VAPA: variants seen among roughly 807,000 people sequenced by gnomAD.
The protein encoded by VAPA is vesicle-associated membrane protein-associated protein A.
Under a neutral mutation model 25.6 loss-of-function variants are expected in VAPA, and 6 were observed. The observed-to-expected ratio is 0.23, with a 90% CI of 0.13 to 0.46. VAPA has a LOEUF of 0.46. VAPA is among the 20% of genes least tolerant of loss of function. VAPA has a pLI of 0.99. For missense variants in VAPA, 244 were observed against 302.1 expected (o/e 0.81, Z 1.43); for synonymous variants, 112 against 106.2 (o/e 1.05, Z -0.34).
At position 9,954,247 on chromosome 18, in the gene VAPA, T is replaced by C; in HGVS notation, c.*36T>C. ...GCAGAGTGCTGTTTCTTTTTTTTTT[T>C]TTCTCTTGACCAGAAAAAGATTTGT... On this transcript the variant is annotated 3_prime_UTR_variant, in exon 6 of 6. Coordinates refer to ENST00000400000, the MANE Select transcript of VAPA (RefSeq NM_194434.3). 6.4e-7 allele frequency: 1 copy of C among 1,559,852 alleles called. No homozygotes were observed. Among genetic ancestry groups the C allele is most frequent in the Non-Finnish European group, 8.6e-7 (1 of 1,157,964 alleles).
chr18:9,930,434 C>G (rs574644718), intron 1 of VAPA, among the ~76,000 whole-genome samples: 6 of 152,176 alleles, frequency 3.9e-5, no homozygotes, highest in Admixed American at 3.9e-4. Context: ...TTTAAGACTT[C>G]TAGTTTTATC....
intron 4 of VAPA, among the ~76,000 whole-genome samples, chr18:9,937,934 G>A (rs2069327814): frequency 6.6e-6 from 1 of 152,038 alleles, no homozygotes; most frequent in Non-Finnish European, 1.5e-5. Flanking sequence ...GAAATGAAAA[G>A]GTCTCTGGTA....
intron 4 of VAPA, chr18:9,945,039 T>C (rs2069407671): frequency 6.2e-7 from 1 of 1,613,936 alleles, no homozygotes; most frequent in African/African-American, 1.3e-5. Context: ...CTCAGTGTGT[T>C]GAAACAGGAG....
intron 1 of VAPA, among the ~76,000 whole-genome samples, chr18:9,920,384 C>T (rs1472069112): frequency 5.9e-5 from 9 of 152,170 alleles, no homozygotes; most frequent in Non-Finnish European, 1.2e-4. Context: ...CTCACTGCAA[C>T]CTCTGCCTCC....
At chr18:9,936,032 T>TC (rs2069306455) in intron 2 of VAPA, 78 bp from the exon 3 acceptor site, 10 of 1,017,188 alleles carry the variant, frequency 9.8e-6, no homozygotes, top group Non-Finnish European at 1.4e-5. Flanking sequence ...CTTAGTATAA[T>TC]TTAATCTGTA....
At chr18:9,935,773 G>C (rs1047745229) in intron 2 of VAPA, among the ~76,000 whole-genome samples, 3 of 152,176 alleles carry the variant, frequency 2.0e-5, no homozygotes, top group Non-Finnish European at 2.9e-5. Context: ...TTCACAAGCT[G>C]AGTTTAGAAA....
chr18:9,931,745 T>C (rs2069257122), intron 1 of VAPA, 65 bp from the exon 2 acceptor site: 1 of 1,414,058 alleles, frequency 7.1e-7, no homozygotes, highest in Non-Finnish European at 9.6e-7. Flanking sequence ...ATTTTCAGTT[T>C]TGAATCCTTC....
At position 9,937,526 on chromosome 18, in the gene VAPA, G is replaced by C. The variant is rs29151; in HGVS notation, c.417+460G>C. Reference sequence around the variant, plus strand: ...TGTTTTTAGTCAAATCCATCTGATTGTATTCTTTAGTAAATAATTATTATG... The same window carrying C: ...TGTTTTTAGTCAAATCCATCTGATTCTATTCTTTAGTAAATAATTATTATG... On this transcript the variant is annotated intron_variant, in intron 4 of 5. Transcript: ENST00000400000. Among the ~76,000 whole-genome samples the C allele has an allele frequency of 7.3e-3, 1,109 of 152,118 alleles. 12 individuals carry two copies. The highest frequency in any genetic ancestry group is 0.025 in the African/African-American group (1,035 of 41,496).
chr18:9,927,898 G>A (rs2069215214), intron 1 of VAPA, among the ~76,000 whole-genome samples: 1 of 152,068 alleles, frequency 6.6e-6, no homozygotes, highest in Admixed American at 6.6e-5. Context: ...GGCAGGAAAT[G>A]GTAGGGCTTC....
chr18:9,930,699 T>TTA (rs2069245569), intron 1 of VAPA, among the ~76,000 whole-genome samples: 3 of 150,408 alleles, frequency 2.0e-5, no homozygotes. Flanking sequence ...GCTTTTTTTT[T>TTA]AAAAAAAAAA....
rs2069556352 is a variant in VAPA at position 9,956,808 on chromosome 18, A to C, written c.*2597A>C. On this transcript the variant is annotated 3_prime_UTR_variant, in exon 6 of 6. Coordinates refer to ENST00000400000, the MANE Select transcript of VAPA (RefSeq NM_194434.3). ...AGCATGAGGGAAATACACTGTTGCT[A>C]ATACTGAAATTACAATCAAGTAACT... 1 of 152,222 alleles carries C rather than the reference A, an allele frequency of 6.6e-6. No individual in the cohort carries two copies. The highest frequency in any genetic ancestry group is 1.5e-5 in the Non-Finnish European group (1 of 68,012). The allele number at this position is 152,222 out of a possible 1,614,324, so 9.4% of individuals were successfully genotyped here.
intron 4 of VAPA, 49 bp downstream of exon 4, chr18:9,937,115 C>T (rs754027545): frequency 4.7e-6 from 7 of 1,484,958 alleles, no homozygotes; most frequent in Non-Finnish European, 5.6e-6. Flanking sequence ...GCTCTCAGTT[C>T]CTTTGATTAA....
intron 4 of VAPA, among the ~76,000 whole-genome samples, chr18:9,937,712 T>C (rs2069325950): frequency 1.3e-5 from 2 of 152,192 alleles, no homozygotes; most frequent in African/African-American, 4.8e-5. Context: ...AATCTTTTCC[T>C]ATGGTGAGAG....
chr18:9,936,105 T>C lies in VAPA; in HGVS notation c.233-5T>C, dbSNP rs781430630. The C allele has an allele frequency of 3.8e-6, 6 of 1,585,946 alleles. No homozygotes were observed. The highest frequency in any genetic ancestry group is 2.3e-5 in the South Asian group (2 of 85,784). ...AATATAATATATCCTTTTTTTCTTATTTAGTAATGCTACAGCCCTTTGACT... is the reference window on the plus strand; with the variant it reads ...AATATAATATATCCTTTTTTTCTTACTTAGTAATGCTACAGCCCTTTGACT... On this transcript the variant is annotated splice_region_variant and splice_polypyrimidine_tract_variant and intron_variant, in intron 2 of 5. Transcript: ENST00000400000.
intron 4 of VAPA, among the ~76,000 whole-genome samples, chr18:9,942,861 A>G (rs2069380129): frequency 6.6e-6 from 1 of 152,126 alleles, no homozygotes; most frequent in African/African-American, 2.4e-5. Context: ...GTCGCTTCCC[A>G]CCAGGTTCCA....
At position 9,954,147 on chromosome 18, in the gene VAPA, C is replaced by T; in HGVS notation, c.686C>T (p.Pro229Leu). ...SFRDNVTSPL[P>L]SLLVVIAAIF... ...AGAGATAATGTCACCAGTCCTCTTC[C>T]TTCACTTCTTGTTGTAATTGCAGCC... The change falls in exon 6 of 6, where the codon CCT becomes CTT. Residue 229 changes from proline (P) to leucine (L), a missense_variant. Pro to Leu is a moderately conservative substitution (Grantham distance 98). This residue lies in a region of VAPA where 145 missense variants were observed against 140.6 expected (regional missense o/e 1.03). Transcript: ENST00000400000. The T allele has an allele frequency of 6.2e-7, 1 of 1,614,012 alleles. No homozygotes were observed. Among genetic ancestry groups the T allele is most frequent in the South Asian group, 1.1e-5 (1 of 91,084 alleles).
chr18:9,956,835 AG>A lies in VAPA; in HGVS notation c.*2626del, dbSNP rs1250723741. On this transcript the variant is annotated 3_prime_UTR_variant, in exon 6 of 6. Transcript: ENST00000400000. ...TACTGAAATTACAATCAAGTAACTA[AG>A]GCCTTGAGTTCATATGTGACACTGA... is the stretch of plus-strand genomic sequence containing the variant. 1.3e-5 allele frequency: 2 copies of A among 152,204 alleles called. No individual in the cohort carries two copies. The highest frequency in any genetic ancestry group is 4.8e-5 in the African/African-American group (2 of 41,448). The allele number at this position is 152,204 out of a possible 1,614,324, so 9.4% of individuals were successfully genotyped here. A position where few individuals can be genotyped will look rare whatever the true frequency, so the allele number is the denominator to read the frequency against.
chr18:9,929,680 C>A (rs2069233686), intron 1 of VAPA, among the ~76,000 whole-genome samples: 1 of 152,102 alleles, frequency 6.6e-6, no homozygotes, highest in Non-Finnish European at 1.5e-5. Context: ...TGCTAATGGT[C>A]ATCAGTACTT....
intron 1 of VAPA, among the ~76,000 whole-genome samples, chr18:9,926,370 A>G (rs1049404847): frequency 3.9e-5 from 6 of 152,260 alleles, no homozygotes; most frequent in African/African-American, 1.4e-4. Context: ...TTGTTTGTGT[A>G]TTTGAGCAGA....
Sources: allele counts gnomAD v4.1 joint callset (sites outside exome capture counted in the v4.1 genomes callset), GRCh38; gene constraint gnomAD v4.1.1; regional missense constraint gnomAD v4.1.1; transcripts MANE v1.5; gene names NCBI Gene and HGNC (gene_info 2026-07-23, HGNC 2026-07-21).